The following SV2B variants were observed in gnomAD, a reference collection of about 807,000 sequenced individuals.
SV2B encodes synaptic vesicle glycoprotein 2B.
SV2B carries 41 observed loss-of-function variants against 73.9 expected under a neutral mutation model. That is an observed-to-expected ratio of 0.56 (90% CI 0.43 to 0.72). The LOEUF is 0.72. SV2B is among the 30% of genes least tolerant of loss of function. SV2B has a pLI of 0.00. For synonymous variants in SV2B, 314 were observed against 314.2 expected (o/e 1.00, Z 0.01); for missense variants, 764 against 857.8 (o/e 0.89, Z 1.37).
chr15:91,230,597 T>C (rs2046539085), intron 2 of SV2B, among the ~76,000 whole-genome samples: 1 of 152,220 alleles, frequency 6.6e-6, no homozygotes, highest in Non-Finnish European at 1.5e-5. Flanking sequence ...GTGAGTATAT[T>C]GTTAACATTG....
At chr15:91,111,792 C>T (rs1020875999) in intron 1 of SV2B, among the ~76,000 whole-genome samples, 2 of 151,958 alleles carry the variant, frequency 1.3e-5, no homozygotes, top group Non-Finnish European at 2.9e-5. Context: ...TCTGGAGAGG[C>T]CTCAGGAAGC....
At chr15:91,108,390 A>C (rs1402884777) in intron 1 of SV2B, among the ~76,000 whole-genome samples, 2 of 152,220 alleles carry the variant, frequency 1.3e-5, no homozygotes, top group Non-Finnish European at 2.9e-5. Flanking sequence ...TTTTGGAGTC[A>C]TGTGTAGTAT....
At chr15:91,216,876 G>A (rs1229044353) in intron 1 of SV2B, among the ~76,000 whole-genome samples, 1 of 146,000 alleles carries the variant, frequency 6.8e-6, no homozygotes, top group African/African-American at 2.6e-5. Context: ...GCAAGGCACT[G>A]AATAACTACC....
At chr15:91,243,920 G>A (rs11073988) in intron 2 of SV2B, among the ~76,000 whole-genome samples, 47,007 of 151,946 alleles carry the variant, frequency 0.31, 9,042 homozygotes, top group African/African-American at 0.55. Flanking sequence ...GCTGTGGCTC[G>A]CCCTGAGCTG....
intron 9 of SV2B, among the ~76,000 whole-genome samples, chr15:91,270,944 C>T (rs113077794): frequency 0.24 from 20,312 of 85,892 alleles, 4,296 homozygotes; most frequent in African/African-American, 0.47. Flanking sequence ...GTCCTGTGGA[C>T]GATGGGAGGA....
At chr15:91,205,596 T>C (rs986999071) in intron 1 of SV2B, among the ~76,000 whole-genome samples, 4 of 151,932 alleles carry the variant, frequency 2.6e-5, no homozygotes, top group Admixed American at 2.0e-4. Flanking sequence ...GAACTCTTGA[T>C]ATCAAGTGAT....
rs1304811667 is a variant in SV2B, at chr15:91,267,019, T to C, written c.1119+327T>C. 4.8e-6 allele frequency: 1 copy of C among 207,982 alleles called. No homozygotes were observed. 12.9% of individuals were successfully genotyped at this position (207,982 alleles called of 1,614,324 possible). The stretch of plus-strand genomic sequence containing the variant: ...TAAAATAATCACATGGAGGAAGAAG[T>C]GAGTAAAATAAATGACCCCTTGAGG... On this transcript the variant is annotated intron_variant, in intron 7 of 12. Transcript: ENST00000394232. The surrounding 1 kb of genome is among the most constrained non-coding windows in gnomAD (Gnocchi z 4.3).
chr15:91,188,828 T>G (rs1436290275), intron 1 of SV2B, among the ~76,000 whole-genome samples: 1 of 152,082 alleles, frequency 6.6e-6, no homozygotes, highest in African/African-American at 2.4e-5. Flanking sequence ...TTATTTTTAT[T>G]AATTTATTTA....
chr15:91,182,333 C>G (rs570493653), intron 1 of SV2B, among the ~76,000 whole-genome samples: 7 of 152,280 alleles, frequency 4.6e-5, no homozygotes, highest in Non-Finnish European at 8.8e-5. Flanking sequence ...AATTTAGAGC[C>G]TCATGTTGTG....
chr15:91,237,638 C>A (rs1387499471), intron 2 of SV2B, among the ~76,000 whole-genome samples: 3 of 152,164 alleles, frequency 2.0e-5, no homozygotes, highest in Non-Finnish European at 2.9e-5. Context: ...TATACAAAGA[C>A]TGTGTATCAG....
At chr15:91,282,127 G>C (rs2141761448) in intron 10 of SV2B, among the ~76,000 whole-genome samples, 1 of 152,344 alleles carries the variant, frequency 6.6e-6, no homozygotes, top group Non-Finnish European at 1.5e-5. Flanking sequence ...CCTCATGTCA[G>C]TGAGGCTGAT....
At chr15:91,204,247 C>T (rs1461325568) in intron 1 of SV2B, among the ~76,000 whole-genome samples, 3 of 152,058 alleles carry the variant, frequency 2.0e-5, no homozygotes, top group African/African-American at 7.2e-5. Flanking sequence ...GTCTGGAGAG[C>T]TTGGGGTCTT....
At chr15:91,187,161 G>A (rs952468229) in intron 1 of SV2B, among the ~76,000 whole-genome samples, 31 of 152,198 alleles carry the variant, frequency 2.0e-4, no homozygotes, top group Non-Finnish European at 3.7e-4. Flanking sequence ...TTTAAAAAAA[G>A]TTTATTGGCA....
At chr15:91,262,484 T>C (rs1376642156) in intron 6 of SV2B, among the ~76,000 whole-genome samples, 1 of 152,166 alleles carries the variant, frequency 6.6e-6, no homozygotes, top group Non-Finnish European at 1.5e-5. Context: ...CTATTTTAGG[T>C]TCGGGGTACA....
chr15:91,171,157 G>C (rs184134253), intron 1 of SV2B, among the ~76,000 whole-genome samples: 2 of 152,238 alleles, frequency 1.3e-5, no homozygotes, highest in East Asian at 3.9e-4. Flanking sequence ...GAAAAGGCAG[G>C]GAAGCATGGG....
At chr15:91,264,422 C>T (rs919629101) in intron 6 of SV2B, among the ~76,000 whole-genome samples, 13 of 152,156 alleles carry the variant, frequency 8.5e-5, no homozygotes, top group African/African-American at 3.1e-4. Context: ...TTTTATAGGT[C>T]GAACATGGAA....
At position 91,280,271 on chromosome 15, in the gene SV2B, G is replaced by T. The variant is rs1385435460; in HGVS notation, c.1374-1457G>T. On this transcript the variant is annotated intron_variant, in intron 9 of 12. Transcript: ENST00000394232. The surrounding 1 kb of genome is among the most constrained non-coding windows in gnomAD (Gnocchi z 5.8). Reference sequence around the variant, plus strand: ...AAGGGTCACTGGCCCATTGTAGGTGGTCATGGAGTGAATTATTTGGTGGCC... The same window carrying T: ...AAGGGTCACTGGCCCATTGTAGGTGTTCATGGAGTGAATTATTTGGTGGCC... Among the ~76,000 whole-genome samples the T allele has an allele frequency of 6.6e-6, 1 of 152,196 alleles. No homozygotes were observed. The highest frequency in any genetic ancestry group is 1.5e-5 in the Non-Finnish European group (1 of 68,038).
At position 91,260,628 on chromosome 15, in the gene SV2B, C is replaced by T. The variant is rs150419082; in HGVS notation, c.1008+219C>T. On this transcript the variant is annotated intron_variant, in intron 6 of 12. Coordinates refer to ENST00000394232, the MANE Select transcript of SV2B (RefSeq NM_001323032.3). Reference sequence around the variant, plus strand: ...TTGTTTTTAAAAATGGTGCCAGGTGCGGTGGCTCATGCCTGTAATCCCAGC... The same window carrying T: ...TTGTTTTTAAAAATGGTGCCAGGTGTGGTGGCTCATGCCTGTAATCCCAGC... 2.0e-3 allele frequency among the ~76,000 whole-genome samples: 303 copies of T among 152,124 alleles called. 3 individuals are homozygous for T. The East Asian group carries it at 0.053, about 26-fold the overall frequency.
chr15:91,185,124 T>A (rs1207668738), intron 1 of SV2B, among the ~76,000 whole-genome samples: 1 of 152,204 alleles, frequency 6.6e-6, no homozygotes, highest in Non-Finnish European at 1.5e-5. Flanking sequence ...CAGGCTGGAG[T>A]GCAGTGGTGC....
Sources: allele counts gnomAD v4.1 joint callset (sites outside exome capture counted in the v4.1 genomes callset), GRCh38; gene constraint gnomAD v4.1.1; non-coding constraint Gnocchi (gnomAD v3.1); transcripts MANE v1.5; gene names NCBI Gene and HGNC (gene_info 2026-07-23, HGNC 2026-07-21).